IFT140: variants seen among roughly 807,000 people sequenced by gnomAD.
IFT140 encodes the protein intraflagellar transport 140.
IFT140 carries 133 observed loss-of-function variants against 164.6 expected under a neutral mutation model. That is an observed-to-expected ratio of 0.81 (90% CI 0.70 to 0.93). IFT140 has a LOEUF of 0.93. Ranked by LOEUF, IFT140 falls within the 40% of genes least tolerant of loss-of-function variation. The probability of loss-of-function intolerance (pLI) is 0.00; values close to 1 mark genes in which losing one functional copy is unlikely to be tolerated. For synonymous variants in IFT140, 860 were observed against 817.3 expected (o/e 1.05, Z -0.89); for missense variants, 2,045 against 1,972.3 (o/e 1.04, Z -0.70).
At chr16:1,601,818 A>T (rs1275042417) in intron 4 of IFT140, among the ~76,000 whole-genome samples, 1 of 152,214 alleles carries the variant, frequency 6.6e-6, no homozygotes, top group East Asian at 1.9e-4. Flanking sequence ...ACCCTTTTTG[A>T]ATCTTGGAAC....
chr16:1,595,236 G>C (rs1321254998), intron 4 of IFT140, among the ~76,000 whole-genome samples: 2 of 152,076 alleles, frequency 1.3e-5, no homozygotes, highest in Non-Finnish European at 1.5e-5. Context: ...AGTGAGCCGA[G>C]ATGGCGCCAC....
intron 2 of IFT140, among the ~76,000 whole-genome samples, chr16:1,608,631 C>CAAA (rs10675170): frequency 4.2e-4 from 35 of 83,666 alleles, no homozygotes; most frequent in East Asian, 2.0e-3. Flanking sequence ...GACTCCGCCT[C>CAAA]AAAAAAAAAA....
rs370865457 is a variant in IFT140 at position 1,606,864 on chromosome 16, AC to A, written c.147+255del. ...CACACGTGTGCACACACACGCATACACCCCCCCACATACAAGCATACAGATG... is the reference window on the plus strand; with the variant it reads ...CACACGTGTGCACACACACGCATACACCCCCCACATACAAGCATACAGATG... On this transcript the variant is annotated intron_variant, in intron 3 of 30. Coordinates refer to ENST00000426508, the MANE Select transcript of IFT140 (RefSeq NM_014714.4). Among the ~76,000 whole-genome samples, 138 of 150,506 alleles carry A rather than the reference AC, an allele frequency of 9.2e-4. 1 individual carries two copies. Among genetic ancestry groups the A allele is most frequent in the African/African-American group, 2.8e-3 (114 of 40,794 alleles).
In IFT140 at chr16:1,525,171, G is replaced by C; in HGVS notation, c.2864+60C>G. 5.1e-6 allele frequency: 7 copies of C among 1,380,034 alleles called. No homozygotes were observed. The South Asian group carries it at 6.9e-5, about 14-fold the overall frequency. The allele number at this position is 1,380,034 out of a possible 1,614,324, so 85.5% of individuals were successfully genotyped here. On this transcript the variant is annotated intron_variant, in intron 22 of 30. Coordinates refer to ENST00000426508, the MANE Select transcript of IFT140 (RefSeq NM_014714.4). ...AAGGGAGCCGTCTCAGCAAGCCCTG[G>C]GGTCCCTGCAAACCTCCAGGATGGA...
chr16:1,566,026 T>C (rs1295568129), intron 16 of IFT140, 135 bp downstream of exon 16: 1 of 748,352 alleles, frequency 1.3e-6, no homozygotes, highest in Non-Finnish European at 2.2e-6. Flanking sequence ...TGCTTCTGTT[T>C]TCCTCTTTCT....
chr16:1,569,273 G>A (rs2033895611), intron 14 of IFT140, among the ~76,000 whole-genome samples: 1 of 152,166 alleles, frequency 6.6e-6, no homozygotes, highest in South Asian at 2.1e-4. Flanking sequence ...CTCCCAAAGT[G>A]TTGGGATTAC....
At chr16:1,559,263 C>A (rs2033276894) in intron 18 of IFT140, among the ~76,000 whole-genome samples, 1 of 152,226 alleles carries the variant, frequency 6.6e-6, no homozygotes, top group African/African-American at 2.4e-5. Context: ...CAAGGAAGCG[C>A]CCTGACCTCT....
In IFT140 at chr16:1,510,880, C is replaced by T. The variant is rs1382215789; in HGVS notation, c.*64G>A. On this transcript the variant is annotated 3_prime_UTR_variant, in exon 31 of 31. Transcript: ENST00000426508. Reference sequence around the variant, plus strand: ...AGCAAAAATGCTGGCTTTGCCACAGCTGACAAAAAAATTCCAGAAGATGCC... The same window carrying T: ...AGCAAAAATGCTGGCTTTGCCACAGTTGACAAAAAAATTCCAGAAGATGCC... 7 of 1,467,676 alleles carry T rather than the reference C, an allele frequency of 4.8e-6. No individual in the cohort carries two copies. In the African/African-American group the frequency reaches 7.0e-5, roughly 15 times the overall value. The allele number at this position is 1,467,676 out of a possible 1,614,324, so 90.9% of individuals were successfully genotyped here.
At chr16:1,604,318 G>GTGT (rs765604573) in intron 3 of IFT140, 1,219 of 67,322 alleles carry the variant, frequency 0.018, 20 homozygotes, top group Non-Finnish European at 0.022. Context: ...TGTGTGTGTG[G>GTGT]AGGGGGGAGC....
intron 30 of IFT140, chr16:1,513,368 G>A (rs1036305412): frequency 1.3e-5 from 2 of 152,136 alleles, no homozygotes; most frequent in African/African-American, 2.4e-5. Context: ...GGGCGTGGTG[G>A]CGGGAACCTG....
chr16:1,524,548 G>T lies in IFT140; in HGVS notation c.3141+4C>A. 1 of 1,610,790 alleles carries T rather than the reference G, an allele frequency of 6.2e-7. No homozygotes were observed. Among genetic ancestry groups the T allele is most frequent in the East Asian group, 2.2e-5 (1 of 44,678 alleles). On this transcript the variant is annotated splice_donor_region_variant and intron_variant, in intron 24 of 30. Coordinates refer to ENST00000426508, the MANE Select transcript of IFT140 (RefSeq NM_014714.4). ...GCCGGCTCCCCACCCCGGGCCCGTG[G>T]TACCTTGCACAGGCGGATGGCATTC...
chr16:1,539,792 G>A lies in IFT140; in HGVS notation c.2400-12996C>T, dbSNP rs11861535. 6.5e-3 allele frequency among the ~76,000 whole-genome samples: 989 copies of A among 152,282 alleles called. 5 individuals are homozygous for A. Among genetic ancestry groups the A allele is most frequent in the African/African-American group, 0.022 (929 of 41,560 alleles). ...TGTCTGCGGGCAGGCAGCGTGCTCCGCTCTCCCCCTTGCCAGCGGAAGGCT... is the reference window on the plus strand; with the variant it reads ...TGTCTGCGGGCAGGCAGCGTGCTCCACTCTCCCCCTTGCCAGCGGAAGGCT... On this transcript the variant is annotated intron_variant, in intron 19 of 30. Transcript: ENST00000426508.
intron 19 of IFT140, among the ~76,000 whole-genome samples, chr16:1,546,512 C>T (rs1482341465): frequency 6.6e-6 from 1 of 152,232 alleles, no homozygotes; most frequent in Non-Finnish European, 1.5e-5. Context: ...GTCAGCAATG[C>T]TCGCAGCTGT....
chr16:1,541,749 G>A lies in IFT140; in HGVS notation c.2400-14953C>T, dbSNP rs142411404. On this transcript the variant is annotated intron_variant, in intron 19 of 30. Transcript: ENST00000426508. ...GAAGACATGGGACCCAGGGCTTGCAGGCAGGTGAGGGGGAGGGCGTGATGC... is the reference window on the plus strand; with the variant it reads ...GAAGACATGGGACCCAGGGCTTGCAAGCAGGTGAGGGGGAGGGCGTGATGC... Among the ~76,000 whole-genome samples the A allele has an allele frequency of 7.3e-3, 1,116 of 152,174 alleles. 18 individuals carry two copies. The highest frequency in any genetic ancestry group is 0.026 in the African/African-American group (1,070 of 41,512).
At chr16:1,557,536 A>T (rs2033165980) in intron 19 of IFT140, 1 of 170,984 alleles carries the variant, frequency 5.8e-6, no homozygotes, top group African/African-American at 2.4e-5. Flanking sequence ...ATGGAGAAGA[A>T]GGTGCTTGCA....
chr16:1,590,524 A>T (rs1278854060), intron 6 of IFT140, among the ~76,000 whole-genome samples: 1 of 151,836 alleles, frequency 6.6e-6, no homozygotes, highest in Non-Finnish European at 1.5e-5. Context: ...TCCCTCTCTC[A>T]ACCTCCACAA....
chr16:1,525,191 G>A (rs1858961905), intron 22 of IFT140, 40 bp downstream of exon 22: 1 of 1,498,862 alleles, frequency 6.7e-7, no homozygotes, highest in African/African-American at 1.4e-5. Flanking sequence ...AAACCTCCAG[G>A]ATGGAGTGCG....
intron 17 of IFT140, among the ~76,000 whole-genome samples, chr16:1,563,732 C>T (rs1184050443): frequency 6.6e-6 from 1 of 152,154 alleles, no homozygotes; most frequent in Non-Finnish European, 1.5e-5. Flanking sequence ...TCCACGTGAA[C>T]GAATTTTCAG....
intron 19 of IFT140, among the ~76,000 whole-genome samples, chr16:1,537,263 G>A (rs1019531335): frequency 2.6e-5 from 4 of 152,204 alleles, no homozygotes; most frequent in African/African-American, 9.7e-5. Context: ...GCCTCCTCAC[G>A]CACACCAGGC....
Sources: allele counts gnomAD v4.1 joint callset (sites outside exome capture counted in the v4.1 genomes callset), GRCh38; gene constraint gnomAD v4.1.1; transcripts MANE v1.5; gene names NCBI Gene and HGNC (gene_info 2026-07-23, HGNC 2026-07-21).